HELZ: variants seen among roughly 807,000 people sequenced by gnomAD.
HELZ encodes ATP-dependent RNA helicase with zinc finger domain.
A neutral mutation model predicts 218.2 loss-of-function variants in HELZ; 23 were observed. That is an observed-to-expected ratio of 0.11 (90% CI 0.08 to 0.15). The LOEUF is 0.15. Ranked by LOEUF, HELZ falls within the 10% of genes least tolerant of loss-of-function variation. The pLI is 1.00. For missense variants in HELZ, 1,813 were observed against 2,353.7 expected, an observed-to-expected ratio of 0.77 and a Z score of 4.75; for synonymous variants, 814 against 829.4, an observed-to-expected ratio of 0.98 and a Z score of 0.32.
intron 15 of HELZ, among the ~76,000 whole-genome samples, chr17:67,162,318 G>A (rs1384806908): frequency 6.6e-6 from 1 of 152,126 alleles, no homozygotes. Context: ...CTTAAAAAAT[G>A]TAAAACCTTA....
intron 13 of HELZ, among the ~76,000 whole-genome samples, chr17:67,175,437 TCAAGGCAA>T (rs2039428303): frequency 6.6e-6 from 1 of 152,152 alleles, no homozygotes; most frequent in South Asian, 2.1e-4. Context: ...TAAATTAAAT[TCAAGGCAA>T]CATTAAAATG....
Position 67,082,714 on chromosome 17 carries a change from GT to G in HELZ, c.5494+4114del, listed in dbSNP as rs1026999048. ...GTTTAACAAATATTTCAATATAAGT[GT>G]TTTTTGCTGTCTAAAATAATATATA... is the stretch of plus-strand genomic sequence containing the variant. On this transcript the variant is annotated intron_variant, in intron 32 of 32. Coordinates refer to ENST00000358691, the MANE Select transcript of HELZ (RefSeq NM_014877.4). Among the ~76,000 whole-genome samples the G allele has an allele frequency of 4.6e-5, 7 of 151,944 alleles. No individual in the cohort carries two copies. The South Asian group carries it at 1.2e-3, about 27-fold the overall frequency.
At chr17:67,215,388 G>A (rs565484906) in intron 5 of HELZ, among the ~76,000 whole-genome samples, 29 of 144,244 alleles carry the variant, frequency 2.0e-4, no homozygotes, top group Admixed American at 6.5e-4. Context: ...TCACTCTGTC[G>A]CCCAAGCTGG....
At chr17:67,120,264 A>G in intron 27 of HELZ, 141 bp downstream of exon 27, 3 of 699,122 alleles carry the variant, frequency 4.3e-6, no homozygotes, top group South Asian at 1.8e-5. Flanking sequence ...TCGGCCTCCC[A>G]AAGTGCTGGT....
Position 67,188,568 on chromosome 17 carries a change from G to T in HELZ, c.913C>A (p.Pro305Thr). ...GATATTGCAATGATACTAAAATGAGGACGATGAGCATCATAAAGCAATGCT... is the reference window on the plus strand; with the variant it reads ...GATATTGCAATGATACTAAAATGAGTACGATGAGCATCATAAAGCAATGCT... ...RVALLYDAHR[P>T]HFSIIAISAG... The change falls in exon 12 of 33, where the codon CCT becomes ACT. Residue 305 changes from proline to threonine, a missense_variant. Pro to Thr is a conservative substitution (Grantham distance 38). Transcript: ENST00000358691. The surrounding 1 kb of genome is among the most constrained non-coding windows in gnomAD (Gnocchi z 4.1). 1 of 1,613,792 alleles carries T rather than the reference G, an allele frequency of 6.2e-7. No homozygotes were observed. The highest frequency in any genetic ancestry group is 1.1e-5 in the South Asian group (1 of 91,060).
At chr17:67,170,961 ATTAC>A (rs2039292496) in intron 13 of HELZ, among the ~76,000 whole-genome samples, 1 of 151,926 alleles carries the variant, frequency 6.6e-6, no homozygotes, top group Non-Finnish European at 1.5e-5. Context: ...GAGGGAGGAG[ATTAC>A]TTATAGTGCA....
chr17:67,167,705 A>G lies in HELZ; in HGVS notation c.1522T>C (p.Phe508Leu), dbSNP rs2039187344. The G allele has an allele frequency of 6.2e-7, 1 of 1,614,052 alleles. No homozygotes were observed. Among genetic ancestry groups the G allele is most frequent in the Non-Finnish European group, 8.5e-7 (1 of 1,180,036 alleles). The change falls in exon 14 of 33, where the codon TTT becomes CTT. Residue 508 changes from phenylalanine (F) to leucine (L), a missense_variant. Physicochemically the swap from Phe to Leu is conservative, Grantham distance 22 (BLOSUM62 0). Around this residue, in one of 4 missense-constraint regions of HELZ, gnomAD observed 714 missense variants for 1,029.2 expected, o/e 0.69. Coordinates refer to ENST00000358691, the MANE Select transcript of HELZ (RefSeq NM_014877.4). ...GAKYAQNGQLFGRFKLTETLS... is the reference protein window; with the variant it reads ...GAKYAQNGQLLGRFKLTETLS... ...GTTTCAGTAAGCTTAAAGCGACCAAAAAGTTGTCCATTCTGAGCATACTTT... is the reference window on the plus strand; with the variant it reads ...GTTTCAGTAAGCTTAAAGCGACCAAGAAGTTGTCCATTCTGAGCATACTTT...
chr17:67,227,750 A>G (rs1460551163), intron 3 of HELZ, among the ~76,000 whole-genome samples: 2 of 152,116 alleles, frequency 1.3e-5, no homozygotes, highest in African/African-American at 4.8e-5. Flanking sequence ...CAATCTTTCC[A>G]CTCTGAACCT....
chr17:67,145,867 T>A lies in HELZ; in HGVS notation c.2645A>T (p.Glu882Val). ...IINYTSELFY[E>V]GKLMASGKQP... Reference sequence around the variant, plus strand: ...CTTCCCACTGGCCATCAGTTTGCCCTCATAGAAAAGCTCAGAGGTATAACT... The same window carrying A: ...CTTCCCACTGGCCATCAGTTTGCCCACATAGAAAAGCTCAGAGGTATAACT... The change falls in exon 21 of 33, where the codon GAG becomes GTG. Residue 882 changes from glutamate (E) to valine (V), a missense_variant. Around this residue, in one of 4 missense-constraint regions of HELZ, gnomAD observed 156 missense variants for 274.4 expected, o/e 0.57. Transcript: ENST00000358691. 6.2e-7 allele frequency: 1 copy of A among 1,613,186 alleles called. No homozygotes were observed. The highest frequency in any genetic ancestry group is 8.5e-7 in the Non-Finnish European group (1 of 1,179,740).
Position 67,190,140 on chromosome 17 carries a change from T to C in HELZ, c.756+17A>G. 2 of 1,603,062 alleles carry C rather than the reference T, an allele frequency of 1.2e-6. No individual in the cohort carries two copies. The highest frequency in any genetic ancestry group is 3.4e-4 in the Middle Eastern group (2 of 5,918). On this transcript the variant is annotated intron_variant, in intron 10 of 32. Coordinates refer to ENST00000358691, the MANE Select transcript of HELZ (RefSeq NM_014877.4). ...TGTTTAAGACAAACAAAAAATAATG[T>C]AGCTTATTTTCCTCACCACTTTCTC...
intron 27 of HELZ, among the ~76,000 whole-genome samples, chr17:67,116,156 A>C (rs1027109862): frequency 6.6e-6 from 1 of 152,092 alleles, no homozygotes; most frequent in Non-Finnish European, 1.5e-5. Context: ...AACTAGCAAA[A>C]TAATAAAACA....
chr17:67,108,087 T>C lies in HELZ; in HGVS notation c.4725-402A>G, dbSNP rs576537372. The stretch of plus-strand genomic sequence containing the variant: ...TCATATGTAGCTGGAATTATAGGAA[T>C]GTAGAATTCTGTGCCACCATAAAAA... On this transcript the variant is annotated intron_variant, in intron 30 of 32. Transcript: ENST00000358691. This position sits in a 1 kb window ranked among gnomAD's most constrained non-coding sequence, Gnocchi z 4.1. Among the ~76,000 whole-genome samples, 1 of 152,350 alleles carries C rather than the reference T, an allele frequency of 6.6e-6. No homozygotes were observed. The highest frequency in any genetic ancestry group is 2.1e-4 in the South Asian group (1 of 4,828).
rs1039297563 is a variant in HELZ at position 67,178,548 on chromosome 17, A to G, written c.1430+111T>C. ...TTTAAAGATAGAATACAGTTATTCAATAACAACCATTTACTACCTGTCTTC... is the reference window on the plus strand; with the variant it reads ...TTTAAAGATAGAATACAGTTATTCAGTAACAACCATTTACTACCTGTCTTC... On this transcript the variant is annotated intron_variant, in intron 13 of 32. Coordinates refer to ENST00000358691, the MANE Select transcript of HELZ (RefSeq NM_014877.4). The G allele has an allele frequency of 8.1e-6, 7 of 865,222 alleles. No homozygotes were observed. In the African/African-American group the frequency reaches 1.2e-4, roughly 15 times the overall value. The allele number at this position is 865,222 out of a possible 1,614,324, so 53.6% of individuals were successfully genotyped here.
At position 67,161,021 on chromosome 17, in the gene HELZ, G is replaced by C. The variant is rs2038980213; in HGVS notation, c.1951C>G (p.Leu651Val). 1.2e-6 allele frequency: 2 copies of C among 1,613,256 alleles called. No individual in the cohort carries two copies. The highest frequency in any genetic ancestry group is 1.7e-6 in the Non-Finnish European group (2 of 1,179,516). Reference sequence around the variant, plus strand: ...ATTGCAAGTGGAGTGGTAATGGCCAGAACAGCCTCTTTCTGTTTTGCATTT... The same window carrying C: ...ATTGCAAGTGGAGTGGTAATGGCCACAACAGCCTCTTTCTGTTTTGCATTT... ...RLNAKQKEAV[L>V]AITTPLAIQL... is the part of the protein sequence containing the mutation. The change falls in exon 16 of 33, where the codon CTG becomes GTG. Residue 651 changes from leucine (L) to valine (V), a missense_variant. Physicochemically the swap from Leu to Val is conservative, Grantham distance 32. Coordinates refer to ENST00000358691, the MANE Select transcript of HELZ (RefSeq NM_014877.4).
At chr17:67,199,160 T>A (rs118054483) in intron 7 of HELZ, among the ~76,000 whole-genome samples, 1,620 of 151,652 alleles carry the variant, frequency 0.011, 19 homozygotes, top group South Asian at 0.017. Context: ...TTAAAACGGC[T>A]ACATATACAC....
rs142374728 is a variant in HELZ at position 67,094,259 on chromosome 17, T to C, written c.5242-7178A>G. ...ATCGCTTGAGCCTGGAAGGCAGAGG[T>C]TGCAGTGAGCTGAGATCATATACTG... is the stretch of plus-strand genomic sequence containing the variant. On this transcript the variant is annotated intron_variant, in intron 31 of 32. Transcript: ENST00000358691. 4.6e-3 allele frequency among the ~76,000 whole-genome samples: 688 copies of C among 151,002 alleles called. 6 individuals carry two copies. The highest frequency in any genetic ancestry group is 0.016 in the African/African-American group (653 of 41,030).
chr17:67,086,128 C>A lies in HELZ; in HGVS notation c.5494+701G>T, dbSNP rs577369425. Among the ~76,000 whole-genome samples the A allele has an allele frequency of 1.6e-3, 240 of 152,248 alleles. 2 individuals are homozygous for A. The highest frequency in any genetic ancestry group is 5.5e-3 in the African/African-American group (227 of 41,532). On this transcript the variant is annotated intron_variant, in intron 32 of 32. Transcript: ENST00000358691. ...CATCTAACCAGCTCCCACTCACCCC[C>A]CTCAGCCCTGAAGGAAAAAAACCAA...
At chr17:67,220,191 G>A (rs2040707751) in intron 3 of HELZ, among the ~76,000 whole-genome samples, 1 of 152,122 alleles carries the variant, frequency 6.6e-6, no homozygotes, top group African/African-American at 2.4e-5. Flanking sequence ...TCCTCGCTGT[G>A]CTGTAACCAT....
chr17:67,234,039 A>T (rs1229113746), intron 3 of HELZ, among the ~76,000 whole-genome samples: 8 of 127,616 alleles, frequency 6.3e-5, no homozygotes, highest in Non-Finnish European at 1.4e-4. Flanking sequence ...GACAGACTCC[A>T]TCTCAAAAAA....
Sources: gnomAD v4.1 joint callset for allele counts (sites outside exome capture counted in the v4.1 genomes callset) on GRCh38, gnomAD v4.1.1 for gene constraint, gnomAD v4.1.1 regional missense constraint, Gnocchi (gnomAD v3.1) non-coding constraint, MANE v1.5 for transcripts, NCBI Gene and HGNC (gene_info 2026-07-23, HGNC 2026-07-21) for gene names.